Variants in BCL2L13 observed in about 807,000 individuals in gnomAD.
BCL2L13 encodes BCL2 like 13.
In BCL2L13, 13 loss-of-function variants were observed where a neutral mutation model predicts 25.8. The ratio of observed to expected loss-of-function variants is 0.50; its 90% CI spans 0.33 to 0.80. The LOEUF is 0.80. BCL2L13 is among the 30% of genes least tolerant of loss of function. The pLI is 0.02. For missense variants in BCL2L13, 504 were observed against 574.9 expected (o/e 0.88, Z 1.26); for synonymous variants, 244 against 230.3 (o/e 1.06, Z -0.54).
At chr22:17,638,963 A>T (rs1392177994) in intron 1 of BCL2L13, 77 bp downstream of exon 1, 1 of 1,155,718 alleles carries the variant, frequency 8.7e-7, no homozygotes, top group Non-Finnish European at 1.1e-6. Context: ...GTGCCCAGAG[A>T]CCGTATCGAG....
intron 2 of BCL2L13, among the ~76,000 whole-genome samples, chr22:17,665,860 G>T (rs960379631): frequency 6.6e-6 from 1 of 152,014 alleles, no homozygotes; most frequent in African/African-American, 2.4e-5. Context: ...ACCATAGTTT[G>T]TTTATCGAGT....
Position 17,727,426 on chromosome 22 carries a change from G to A in BCL2L13, c.1350G>A (p.Lys450=), listed in dbSNP as rs577953066. The A allele has an allele frequency of 3.4e-5, 55 of 1,614,228 alleles. No individual in the cohort carries two copies. The highest frequency in any genetic ancestry group is 2.5e-4 in the South Asian group (23 of 91,088). The change falls in exon 7 of 7, where the codon AAG becomes AAA. Residue 450 remains lysine, a synonymous_variant. Transcript: ENST00000317582. The part of the protein sequence containing the change: ...KSRLSPAGEM[K]PMPLSEGKSI... ...GACTGTCCCCCGCCGGTGAGATGAA[G>A]CCCATGCCGCTGTCTGAGGGCAAGT...
At chr22:17,680,511 C>CAAAAAAAAAAAAAAAAAAAAA (rs770410371) in intron 2 of BCL2L13, among the ~76,000 whole-genome samples, 1 of 13,346 alleles carries the variant, frequency 7.5e-5, no homozygotes, top group African/African-American at 3.0e-4. Flanking sequence ...GACTCTGTCT[C>CAAAAAAAAAAAAAAAAAAAAA]AAAAAAAAAA....
intron 1 of BCL2L13, among the ~76,000 whole-genome samples, chr22:17,641,201 G>T (rs2058270171): frequency 6.6e-6 from 1 of 152,080 alleles, no homozygotes; most frequent in African/African-American, 2.4e-5. Context: ...AAATAGATAT[G>T]TATTTTATTG....
At chr22:17,646,944 T>TAC in intron 1 of BCL2L13, among the ~76,000 whole-genome samples, 2 of 33,102 alleles carry the variant, frequency 6.0e-5, no homozygotes, top group African/African-American at 1.3e-4. Context: ...TATATATATA[T>TAC]ATATATATAT....
chr22:17,703,722 T>C (rs2060508396), intron 6 of BCL2L13: 1 of 152,232 alleles, frequency 6.6e-6, no homozygotes, highest in Admixed American at 6.5e-5. Context: ...TCCTGAACAT[T>C]TGTCTTAGGA....
chr22:17,631,980 A>G (rs1487507277), intron 1 of BCL2L13, among the ~76,000 whole-genome samples: 1 of 151,852 alleles, frequency 6.6e-6, no homozygotes, highest in Non-Finnish European at 1.5e-5. Context: ...TTGGCATCCC[A>G]AAGTCTTGGG....
At chr22:17,676,746 A>G (rs1452824487) in intron 2 of BCL2L13, among the ~76,000 whole-genome samples, 1 of 152,218 alleles carries the variant, frequency 6.6e-6, no homozygotes, top group African/African-American at 2.4e-5. Flanking sequence ...ATCTAACACT[A>G]CAAATTACTT....
intron 6 of BCL2L13, among the ~76,000 whole-genome samples, chr22:17,704,265 T>G (rs1459060547): frequency 6.6e-6 from 1 of 151,980 alleles, no homozygotes. Context: ...TTTGTATTTT[T>G]AGTAGAGATA....
chr22:17,672,972 T>C (rs745398753), intron 2 of BCL2L13, among the ~76,000 whole-genome samples: 13 of 152,210 alleles, frequency 8.5e-5, no homozygotes, highest in Non-Finnish European at 1.5e-4. Context: ...TCCTTGTCAC[T>C]GTGCGTCAAA....
rs143235350 is a variant in BCL2L13, at chr22:17,668,075, A to G, written c.121+12243A>G. ...GCCCAGGCTGGAGTGCAGTGGCACT[A>G]TCTTGGCTCATTGTAACCTCCGTCT... On this transcript the variant is annotated intron_variant, in intron 2 of 6. Coordinates refer to ENST00000317582, the MANE Select transcript of BCL2L13 (RefSeq NM_015367.4). Among the ~76,000 whole-genome samples the G allele has an allele frequency of 1.9e-3, 258 of 135,340 alleles. 3 individuals carry two copies. Among genetic ancestry groups the G allele is most frequent in the African/African-American group, 6.6e-3 (235 of 35,376 alleles). 88.8% of individuals were successfully genotyped at this position (135,340 alleles called of 152,430 possible).
At chr22:17,721,671 T>C (rs2061137793) in intron 6 of BCL2L13, among the ~76,000 whole-genome samples, 2 of 152,126 alleles carry the variant, frequency 1.3e-5, no homozygotes, top group South Asian at 4.1e-4. Context: ...ATTACAGGCA[T>C]GTGCCACCAC....
intron 1 of BCL2L13, among the ~76,000 whole-genome samples, chr22:17,652,006 A>G (rs1329572926): frequency 1.9e-4 from 29 of 152,016 alleles, no homozygotes; most frequent in Non-Finnish European, 2.9e-5. Context: ...AGACCTTTAT[A>G]TCCAACTGCT....
chr22:17,675,277 G>A (rs539865743), intron 2 of BCL2L13, among the ~76,000 whole-genome samples: 39 of 152,102 alleles, frequency 2.6e-4, no homozygotes, highest in South Asian at 8.3e-4. Flanking sequence ...TCGGCCAGAC[G>A]CGGTGGCTCA....
At chr22:17,630,891 A>G (rs1464977037) in intron 1 of BCL2L13, among the ~76,000 whole-genome samples, 1 of 151,014 alleles carries the variant, frequency 6.6e-6, no homozygotes, top group Non-Finnish European at 1.5e-5. Context: ...GCGCCCAGCC[A>G]TAACCTTTTT....
intron 1 of BCL2L13, among the ~76,000 whole-genome samples, chr22:17,645,215 T>C (rs2058430737): frequency 7.0e-6 from 1 of 143,588 alleles, no homozygotes. Flanking sequence ...ACATAAGAAC[T>C]AATAGTAGGA....
chr22:17,640,089 G>A (rs1295260780), intron 1 of BCL2L13, among the ~76,000 whole-genome samples: 3 of 152,092 alleles, frequency 2.0e-5, no homozygotes, highest in African/African-American at 7.2e-5. Context: ...CCCAATCTCT[G>A]GTCATCCCCC....
In BCL2L13 at chr22:17,674,460, G is replaced by A. The variant is rs62240490; in HGVS notation, c.122-8754G>A. On this transcript the variant is annotated intron_variant, in intron 2 of 6. Transcript: ENST00000317582. Reference sequence around the variant, plus strand: ...TCTCTACTAAAAATATAGGAAATTAGCCAGGCATGGTTCCGGGCGCCTGTA... The same window carrying A: ...TCTCTACTAAAAATATAGGAAATTAACCAGGCATGGTTCCGGGCGCCTGTA... Among the ~76,000 whole-genome samples, 747 of 152,050 alleles carry A rather than the reference G, an allele frequency of 4.9e-3. 2 individuals are homozygous for A. The highest frequency in any genetic ancestry group is 8.6e-3 in the Non-Finnish European group (583 of 67,950).
intron 3 of BCL2L13, chr22:17,684,797 A>C (rs936482922): frequency 2.9e-6 from 1 of 341,200 alleles, no homozygotes; most frequent in African/African-American, 2.3e-5. Context: ...CGGTGGCGGG[A>C]TCTTGGCTCA....
Sources: allele counts gnomAD v4.1 joint callset (sites outside exome capture counted in the v4.1 genomes callset), GRCh38; gene constraint gnomAD v4.1.1; transcripts MANE v1.5; gene names NCBI Gene and HGNC (gene_info 2026-07-23, HGNC 2026-07-21).